Variants in NDST4 observed in about 807,000 individuals in gnomAD.
The protein encoded by NDST4 is N-deacetylase and N-sulfotransferase 4, also known as N-heparan sulfate sulfotransferase 4.
Under a neutral mutation model 100.8 loss-of-function variants are expected in NDST4, and 63 were observed. The ratio of observed to expected loss-of-function variants is 0.62; its 90% confidence interval spans 0.51 to 0.77. The LOEUF is 0.77. Ranked by LOEUF, NDST4 falls within the 30% of genes least tolerant of loss-of-function variation. The probability of loss-of-function intolerance (pLI) is 0.00; values close to 1 mark genes in which losing one functional copy is unlikely to be tolerated. For synonymous variants in NDST4, 377 were observed against 361.8 expected, an observed-to-expected ratio of 1.04 and a Z score of -0.48; for missense variants, 943 against 1,018.4, an observed-to-expected ratio of 0.93 and a Z score of 1.01.
intron 2 of NDST4, among the ~76,000 whole-genome samples, chr4:115,033,924 A>C (rs1728177291): frequency 6.6e-6 from 1 of 152,188 alleles, no homozygotes; most frequent in African/African-American, 2.4e-5. Flanking sequence ...TAAAGACTCA[A>C]TATTAAAAGA....
intron 6 of NDST4, among the ~76,000 whole-genome samples, chr4:114,898,262 A>T (rs563601331): frequency 6.6e-6 from 1 of 152,194 alleles, no homozygotes; most frequent in South Asian, 2.1e-4. Flanking sequence ...AGATTTATTT[A>T]TTTTTTTATT....
rs370852531 is a variant in NDST4, at chr4:115,096,883, A to G, written c.-247+16561T>C. ...TCACAACTTCATTGAAATTTATTTTATAAATGTCACCAATAAACTTCACGT... is the reference window on the plus strand; with the variant it reads ...TCACAACTTCATTGAAATTTATTTTGTAAATGTCACCAATAAACTTCACGT... On this transcript the variant is annotated intron_variant, in intron 1 of 13. Coordinates refer to ENST00000264363, the MANE Select transcript of NDST4 (RefSeq NM_022569.3). Among the ~76,000 whole-genome samples, 75 of 152,248 alleles carry G rather than the reference A, an allele frequency of 4.9e-4. 2 individuals are homozygous for G. In the South Asian group the frequency reaches 0.014, roughly 29 times the overall value.
intron 7 of NDST4, among the ~76,000 whole-genome samples, chr4:114,856,030 A>C (rs1299232457): frequency 6.6e-6 from 1 of 151,730 alleles, no homozygotes; most frequent in Non-Finnish European, 1.5e-5. Flanking sequence ...TTAACTGGAG[A>C]GAGAGTTGAG....
At chr4:114,844,678 GACAA>G (rs1723505417) in intron 10 of NDST4, among the ~76,000 whole-genome samples, 1 of 152,116 alleles carries the variant, frequency 6.6e-6, no homozygotes, top group Admixed American at 6.5e-5. Context: ...CTACACATTA[GACAA>G]ACAACTTTTA....
chr4:114,872,914 T>G (rs1271172931), intron 6 of NDST4, among the ~76,000 whole-genome samples: 1 of 151,778 alleles, frequency 6.6e-6, no homozygotes, highest in African/African-American at 2.4e-5. Flanking sequence ...ACATCCGTCA[T>G]TTTTTTTCCT....
At chr4:114,990,268 A>C (rs572083146) in intron 2 of NDST4, among the ~76,000 whole-genome samples, 1 of 152,232 alleles carries the variant, frequency 6.6e-6, no homozygotes, top group East Asian at 1.9e-4. Flanking sequence ...AAAACACATT[A>C]TTACTAGCAC....
intron 6 of NDST4, among the ~76,000 whole-genome samples, chr4:114,888,984 C>G (rs1460893635): frequency 2.0e-5 from 3 of 151,648 alleles, no homozygotes; most frequent in African/African-American, 7.3e-5. Flanking sequence ...AAGGTTATTT[C>G]TACCTCCAGG....
intron 6 of NDST4, among the ~76,000 whole-genome samples, chr4:114,906,444 T>C (rs560898427): frequency 1.3e-5 from 2 of 152,092 alleles, no homozygotes; most frequent in South Asian, 4.1e-4. Context: ...TCTAGTAACA[T>C]ACTGTTCACT....
chr4:114,900,014 A>G (rs963609046), intron 6 of NDST4, among the ~76,000 whole-genome samples: 7 of 152,136 alleles, frequency 4.6e-5, no homozygotes, highest in Admixed American at 3.9e-4. Context: ...TCTTTAATAG[A>G]TATAATCCTA....
At position 115,076,245 on chromosome 4, in the gene NDST4, A is replaced by G. The variant is rs1340771389; in HGVS notation, c.792T>C (p.Asp264=). ...TGCCAAAAAGTACTCTCTGAATTCCATCATGAAGCCCCAGATCCTGAATCA... is the reference window on the plus strand; with the variant it reads ...TGCCAAAAAGTACTCTCTGAATTCCGTCATGAAGCCCCAGATCCTGAATCA... ...ATVIQDLGLH[D]GIQRVLFGNN... is the part of the protein sequence containing the mutation. Residue 264 remains aspartate, a synonymous_variant, in exon 2 of 14, where the codon GAT becomes GAC. Coordinates refer to ENST00000264363, the MANE Select transcript of NDST4 (RefSeq NM_022569.3). The G allele has an allele frequency of 6.2e-7, 1 of 1,614,022 alleles. No individual in the cohort carries two copies. Among genetic ancestry groups the G allele is most frequent in the Admixed American group, 1.7e-5 (1 of 60,004 alleles).
chr4:114,845,929 TAATTAGCACTCTTTTCAA>T lies in NDST4; in HGVS notation c.1991_2008del (p.Phe664_Asn669del), dbSNP rs1723539740. 1 of 1,613,784 alleles carries T rather than the reference TAATTAGCACTCTTTTCAA, an allele frequency of 6.2e-7. No homozygotes were observed. Among genetic ancestry groups the T allele is most frequent in the African/African-American group, 1.3e-5 (1 of 74,924 alleles). On this transcript the variant is annotated inframe_deletion, in exon 10 of 14. Coordinates refer to ENST00000264363, the MANE Select transcript of NDST4 (RefSeq NM_022569.3). ...TCTTGGAGCTTCTTCCGAATGGAAG[TAATTAGCACTCTTTTCAA>T]ACAGAAAGTCACTTGTAGTATTGGA...
rs574877227 is a variant in NDST4 at position 115,091,943 on chromosome 4, CTATAA to C, written c.-246-14666_-246-14662del. Among the ~76,000 whole-genome samples the C allele has an allele frequency of 3.3e-4, 50 of 152,172 alleles. No individual in the cohort carries two copies. The South Asian group carries it at 8.5e-3, about 26-fold the overall frequency. On this transcript the variant is annotated intron_variant, in intron 1 of 13. Coordinates refer to ENST00000264363, the MANE Select transcript of NDST4 (RefSeq NM_022569.3). ...TGTCATAAATGAGTACTAAATAACA[CTATAA>C]TATAAGATGCAAACTATATAACTGG...
At chr4:114,863,427 C>A (rs964584920) in intron 7 of NDST4, among the ~76,000 whole-genome samples, 3 of 152,228 alleles carry the variant, frequency 2.0e-5, no homozygotes, top group African/African-American at 7.2e-5. Flanking sequence ...AGTTTTTTGA[C>A]AATGATTATG....
chr4:114,911,315 T>C (rs1352094216), intron 6 of NDST4, among the ~76,000 whole-genome samples: 1 of 152,206 alleles, frequency 6.6e-6, no homozygotes, highest in African/African-American at 2.4e-5. Context: ...CCAGAGCTTA[T>C]GCCAATTGCT....
chr4:115,087,600 T>C (rs1207431054), intron 1 of NDST4, among the ~76,000 whole-genome samples: 1 of 151,958 alleles, frequency 6.6e-6, no homozygotes, highest in Non-Finnish European at 1.5e-5. Context: ...GGCATTAATC[T>C]GCTAATCTAT....
At chr4:114,982,185 C>A (rs1726791304) in intron 2 of NDST4, among the ~76,000 whole-genome samples, 1 of 152,126 alleles carries the variant, frequency 6.6e-6, no homozygotes, top group Non-Finnish European at 1.5e-5. Context: ...AATGTGGAAG[C>A]AACTTTGGAA....
At chr4:115,008,381 T>A (rs9995811) in intron 2 of NDST4, among the ~76,000 whole-genome samples, 84,851 of 126,630 alleles carry the variant, frequency 0.67, 36,277 homozygotes, top group Non-Finnish European at 0.84. Context: ...GGAGCTCTTT[T>A]AGGGCAGGCC....
Position 114,891,158 on chromosome 4 carries a change from A to G in NDST4, c.1537-20208T>C, listed in dbSNP as rs189253410. Reference sequence around the variant, plus strand: ...GTGTTTGTCTGCCACAAGTGATAATAAACTCTCAGTTCACACTTTGTTTCT... The same window carrying G: ...GTGTTTGTCTGCCACAAGTGATAATGAACTCTCAGTTCACACTTTGTTTCT... On this transcript the variant is annotated intron_variant, in intron 6 of 13. Transcript: ENST00000264363. 1.4e-3 allele frequency among the ~76,000 whole-genome samples: 209 copies of G among 152,212 alleles called. 2 individuals carry two copies. The highest frequency in any genetic ancestry group is 2.7e-3 in the South Asian group (13 of 4,830).
At chr4:114,864,432 G>T (rs1723981158) in intron 7 of NDST4, among the ~76,000 whole-genome samples, 2 of 152,062 alleles carry the variant, frequency 1.3e-5, no homozygotes, top group South Asian at 2.1e-4. Flanking sequence ...ATTGAGTCTT[G>T]CTCTGTGTAT....
Sources: gnomAD v4.1 joint callset for allele counts (sites outside exome capture counted in the v4.1 genomes callset) on GRCh38, gnomAD v4.1.1 for gene constraint, MANE v1.5 for transcripts, NCBI Gene and HGNC (gene_info 2026-07-23, HGNC 2026-07-21) for gene names.